The following NCF2 variants were observed in gnomAD, a reference collection of about 807,000 sequenced individuals.
NCF2 encodes the protein neutrophil cytosolic factor 2, also known as neutrophil cytosol factor 2.
NCF2 carries 45 observed loss-of-function variants against 70.9 expected under a neutral mutation model. The ratio of observed to expected loss-of-function variants is 0.63; its 90% CI spans 0.50 to 0.81. The LOEUF is 0.81. Ranked by LOEUF, NCF2 falls within the 40% of genes least tolerant of loss-of-function variation. The probability of loss-of-function intolerance (pLI) is 0.00; values close to 1 mark genes in which losing one functional copy is unlikely to be tolerated. For missense variants in NCF2, 522 were observed against 631.6 expected (o/e 0.83, Z 1.86); for synonymous variants, 203 against 233.6 (o/e 0.87, Z 1.19).
rs771034067 is a variant in NCF2 at position 183,573,173 on chromosome 1, A to T, written c.609+12T>A. 1 of 1,612,074 alleles carries T rather than the reference A, an allele frequency of 6.2e-7. No individual in the cohort carries two copies. Reference sequence around the variant, plus strand: ...ACAGGAGACTCAGGGGAAGCTGAGCAATCCCACCTACCGTCGCCTTGCCTA... The same window carrying T: ...ACAGGAGACTCAGGGGAAGCTGAGCTATCCCACCTACCGTCGCCTTGCCTA... On this transcript the variant is annotated intron_variant, in intron 5 of 14. Transcript: ENST00000367535.
At chr1:183,556,652 C>G (rs1479213915) in intron 14 of NCF2, among the ~76,000 whole-genome samples, 2 of 152,160 alleles carry the variant, frequency 1.3e-5, no homozygotes, top group Admixed American at 6.5e-5. Context: ...CCACCTCAGA[C>G]TCCCAAGTAA....
chr1:183,576,856 T>C (rs1034352561), intron 3 of NCF2, among the ~76,000 whole-genome samples: 1 of 152,186 alleles, frequency 6.6e-6, no homozygotes, highest in African/African-American at 2.4e-5. Flanking sequence ...AAGAAAGGTC[T>C]TTGACATTTA....
At chr1:183,570,896 G>A in intron 5 of NCF2, 57 bp from the exon 6 acceptor site, 1 of 1,572,780 alleles carries the variant, frequency 6.4e-7, no homozygotes, top group South Asian at 1.1e-5. Context: ...CATTCTTCTG[G>A]GTCTCCCTCT....
intron 2 of NCF2, among the ~76,000 whole-genome samples, chr1:183,582,520 C>T (rs764172732): frequency 2.6e-5 from 4 of 152,236 alleles, no homozygotes; most frequent in African/African-American, 9.6e-5. Context: ...TAGTAACCTG[C>T]TTGTTCCCAT....
chr1:183,590,055 T>G, intron 1 of NCF2, 101 bp downstream of exon 1: 1 of 1,571,804 alleles, frequency 6.4e-7, no homozygotes, highest in Non-Finnish European at 8.7e-7. Context: ...ACTTTTGTTC[T>G]TTTCAATCTC....
At chr1:183,558,940 T>G (rs1671915209) in intron 14 of NCF2, among the ~76,000 whole-genome samples, 1 of 152,358 alleles carries the variant, frequency 6.6e-6, no homozygotes, top group South Asian at 2.1e-4. Flanking sequence ...AGTTTTTCAC[T>G]GCTTTGCATT....
intron 2 of NCF2, among the ~76,000 whole-genome samples, chr1:183,578,737 T>C (rs12094228): frequency 6.6e-6 from 1 of 152,102 alleles, no homozygotes; most frequent in Non-Finnish European, 1.5e-5. Context: ...ACTGGCTCGA[T>C]GTATACCAGG....
At chr1:183,586,558 G>A (rs1673360994) in intron 2 of NCF2, among the ~76,000 whole-genome samples, 1 of 152,118 alleles carries the variant, frequency 6.6e-6, no homozygotes, top group African/African-American at 2.4e-5. Flanking sequence ...TCCCCATTCT[G>A]TGACAGCTCA....
the NCF2 span, among the ~76,000 whole-genome samples, chr1:183,601,167 G>A: frequency 6.6e-6 from 1 of 152,158 alleles, no homozygotes; most frequent in Non-Finnish European, 1.5e-5. Flanking sequence ...TTAAGCATAT[G>A]CAAATGCAGA....
chr1:183,575,128 A>G (rs1001428377), intron 3 of NCF2, among the ~76,000 whole-genome samples: 1 of 152,218 alleles, frequency 6.6e-6, no homozygotes, highest in Non-Finnish European at 1.5e-5. Flanking sequence ...AACCTCCTGT[A>G]CCAGCACCAG....
chr1:183,571,113 T>C (rs1431359434), intron 5 of NCF2, among the ~76,000 whole-genome samples: 1 of 130,140 alleles, frequency 7.7e-6, no homozygotes, highest in Admixed American at 8.7e-5. Flanking sequence ...CATCAAATTA[T>C]CTTTTTTTTT....
intron 2 of NCF2, among the ~76,000 whole-genome samples, chr1:183,582,091 G>A (rs1673143979): frequency 6.6e-6 from 1 of 152,242 alleles, no homozygotes; most frequent in Non-Finnish European, 1.5e-5. Flanking sequence ...CCCTGAAGGG[G>A]GTTCCGCTTT....
Position 183,563,527 on chromosome 1 carries a change from A to G in NCF2, c.1085T>C (p.Val362Ala). The G allele has an allele frequency of 6.2e-7, 1 of 1,614,124 alleles. No homozygotes were observed. Among genetic ancestry groups the G allele is most frequent in the Non-Finnish European group, 8.5e-7 (1 of 1,180,020 alleles). The stretch of plus-strand genomic sequence containing the variant: ...GAGCCCGGGCTGAGTCTTCATGACT[A>G]CCGTGTACTTGTAGTGCACCTTGAG... ...YTLKVHYKYT[V>A]VMKTQPGLPY... Residue 362 changes from valine (V) to alanine (A), a missense_variant, in exon 12 of 15, where the codon GTA becomes GCA. Transcript: ENST00000367535.
rs143178891 is a variant in NCF2, at chr1:183,586,909, G to C, written c.243C>G (p.Tyr81Ter). 1 of 1,614,026 alleles carries C rather than the reference G, an allele frequency of 6.2e-7. No individual in the cohort carries two copies. Residue 81 changes from tyrosine to a stop codon, truncating the protein, a stop_gained, in exon 2 of 15, where the codon TAC (tyrosine) becomes TAG (stop). Coordinates refer to ENST00000367535, the MANE Select transcript of NCF2 (RefSeq NM_000433.4). LOFTEE classifies it high-confidence loss of function. Reference sequence around the variant, plus strand: ...GAACCACTTACTTCTCTGTCTGGTAGTAGAGCATCCCTCGTTGGAAGTAAG... The same window carrying C: ...GAACCACTTACTTCTCTGTCTGGTACTAGAGCATCCCTCGTTGGAAGTAAG... Reference protein sequence around the residue: ...AVAYFQRGMLYYQTEKYDLAI... With the variant: ...AVAYFQRGML
intron 10 of NCF2, among the ~76,000 whole-genome samples, chr1:183,565,117 T>C (rs548350622): frequency 2.0e-5 from 3 of 152,338 alleles, no homozygotes; most frequent in Admixed American, 1.3e-4. Context: ...CAGGCGCGTG[T>C]GGCAATCATT....
chr1:183,560,435 T>C (rs1282645221), intron 13 of NCF2, among the ~76,000 whole-genome samples, 162 bp from the exon 14 acceptor site: 3 of 151,658 alleles, frequency 2.0e-5, no homozygotes, highest in South Asian at 4.2e-4. Flanking sequence ...TTATGAATAC[T>C]GGATGGTTGG....
rs1368391107 is a variant in NCF2 at position 183,556,079 on chromosome 1, G to A, written c.*39C>T. 1.3e-6 allele frequency: 2 copies of A among 1,525,914 alleles called. No individual in the cohort carries two copies. Among genetic ancestry groups the A allele is most frequent in the East Asian group, 4.5e-5 (2 of 44,484 alleles). The allele number at this position is 1,525,914 out of a possible 1,614,324, so 94.5% of individuals were successfully genotyped here. Reference sequence around the variant, plus strand: ...TGCTAAATCTTACAAACAAGTAATAGGGCTTCATTTTCTTCAGCTTTGTAG... The same window carrying A: ...TGCTAAATCTTACAAACAAGTAATAAGGCTTCATTTTCTTCAGCTTTGTAG... On this transcript the variant is annotated 3_prime_UTR_variant, in exon 15 of 15. Coordinates refer to ENST00000367535, the MANE Select transcript of NCF2 (RefSeq NM_000433.4).
Position 183,565,796 on chromosome 1 carries a change from G to A in NCF2, c.925-17C>T. Reference sequence around the variant, plus strand: ...GCTTTCCTCCTGAAGGCAACAGGGAGCGACGGTCAGAACCTTCATTCAAAG... The same window carrying A: ...GCTTTCCTCCTGAAGGCAACAGGGAACGACGGTCAGAACCTTCATTCAAAG... On this transcript the variant is annotated splice_polypyrimidine_tract_variant and intron_variant, in intron 9 of 14. Transcript: ENST00000367535. 6.2e-7 allele frequency: 1 copy of A among 1,613,528 alleles called. No individual in the cohort carries two copies. Among genetic ancestry groups the A allele is most frequent in the Non-Finnish European group, 8.5e-7 (1 of 1,179,660 alleles).
intron 2 of NCF2, among the ~76,000 whole-genome samples, chr1:183,584,766 G>T (rs1232512075): frequency 6.6e-6 from 1 of 152,192 alleles, no homozygotes; most frequent in Non-Finnish European, 1.5e-5. Context: ...AGAGAAGGAT[G>T]TTAAGAGCGG....
Sources: allele counts gnomAD v4.1 joint callset (sites outside exome capture counted in the v4.1 genomes callset), GRCh38; gene constraint gnomAD v4.1.1; transcripts MANE v1.5; gene names NCBI Gene and HGNC (gene_info 2026-07-23, HGNC 2026-07-21).